Variants in NRCAM observed in about 807,000 individuals in gnomAD.
The protein encoded by NRCAM is neuronal cell adhesion molecule, also known as NgCAM-related cell adhesion molecule.
In NRCAM, 83 loss-of-function variants were observed where a neutral mutation model predicts 156.5. The observed-to-expected ratio is 0.53, with a 90% CI of 0.44 to 0.64. The LOEUF (loss-of-function observed/expected upper bound fraction) is 0.64. NRCAM is among the 30% of genes least tolerant of loss of function. The pLI, the probability that NRCAM is intolerant of heterozygous loss-of-function variation, is 0.00. For synonymous variants in NRCAM, 538 were observed against 563.9 expected (o/e 0.95, Z 0.65); for missense variants, 1,417 against 1,597.3 (o/e 0.89, Z 1.92).
chr7:108,299,117 A>AAAAAGAAAGAAG (rs71137624), intron 3 of NRCAM, among the ~76,000 whole-genome samples: 4 of 91,996 alleles, frequency 4.3e-5, no homozygotes, highest in Non-Finnish European at 6.8e-5. Flanking sequence ...AAAAAAAAAA[A>AAAAAGAAAGAAG]GAAAGAAAGA....
chr7:108,265,162 T>C (rs940816379), intron 3 of NRCAM, among the ~76,000 whole-genome samples: 2 of 152,228 alleles, frequency 1.3e-5, no homozygotes, highest in African/African-American at 4.8e-5. Flanking sequence ...TAAGGCTGTG[T>C]GACAATACCC....
rs576796436 is a variant in NRCAM at position 108,333,554 on chromosome 7, T to C, written c.-173-20823A>G. ...AAACTGTAAAATCTATCACCTGTTC[T>C]TAGAAAAAAATTTAACAAATTGTCT... On this transcript the variant is annotated intron_variant, in intron 2 of 32. Coordinates refer to ENST00000379028, the MANE Select transcript of NRCAM (RefSeq NM_001037132.4). 1.7e-4 allele frequency among the ~76,000 whole-genome samples: 26 copies of C among 152,282 alleles called. No homozygotes were observed. The South Asian group carries it at 5.2e-3, about 30-fold the overall frequency.
rs147036463 is a variant in NRCAM at position 108,164,551 on chromosome 7, A to C, written c.3466+2370T>G. ...GACATCCTTACACCGCGGAACCGAG[A>C]GGAGAGGAGAGGAGAGGAGAGGAGG... On this transcript the variant is annotated intron_variant, in intron 30 of 32. Coordinates refer to ENST00000379028, the MANE Select transcript of NRCAM (RefSeq NM_001037132.4). 1.3e-3 allele frequency among the ~76,000 whole-genome samples: 43 copies of C among 34,026 alleles called. 1 individual carries two copies. The highest frequency in any genetic ancestry group is 2.4e-3 in the East Asian group (2 of 822). The allele number at this position is 34,026 out of a possible 152,430, so 22.3% of individuals were successfully genotyped here. A position where few individuals can be genotyped will look rare whatever the true frequency, so the allele number is the denominator to read the frequency against.
At chr7:108,315,992 G>A (rs1199093057) in intron 2 of NRCAM, among the ~76,000 whole-genome samples, 2 of 152,200 alleles carry the variant, frequency 1.3e-5, no homozygotes, top group Non-Finnish European at 2.9e-5. Flanking sequence ...AAATCATGTT[G>A]TCATATACAT....
At chr7:108,302,900 A>G (rs1048205399) in intron 3 of NRCAM, among the ~76,000 whole-genome samples, 1 of 152,198 alleles carries the variant, frequency 6.6e-6, no homozygotes, top group African/African-American at 2.4e-5. Flanking sequence ...TATTTTAAAC[A>G]ACAGATTCAT....
intron 17 of NRCAM, among the ~76,000 whole-genome samples, chr7:108,193,722 C>T (rs929193523): frequency 3.9e-5 from 6 of 152,196 alleles, no homozygotes; most frequent in African/African-American, 7.2e-5. Flanking sequence ...GTTGAGACTT[C>T]GCTGTTCAAG....
At chr7:108,390,246 A>G (rs1021984085) in intron 2 of NRCAM, among the ~76,000 whole-genome samples, 3 of 152,136 alleles carry the variant, frequency 2.0e-5, no homozygotes, top group Non-Finnish European at 4.4e-5. Context: ...TTATTGGTCT[A>G]TTCAGGGATT....
In NRCAM at chr7:108,152,982, G is replaced by A. The variant is rs180945380; in HGVS notation, c.3678-2835C>T. Among the ~76,000 whole-genome samples, 12 of 152,258 alleles carry A rather than the reference G, an allele frequency of 7.9e-5. No homozygotes were observed. The East Asian group carries it at 2.3e-3, about 29-fold the overall frequency. ...GGATTTTTGGTTTGAGCAACAGGAAGCTTGGAAGTACTGTTACTATGGAGT... is the reference window on the plus strand; with the variant it reads ...GGATTTTTGGTTTGAGCAACAGGAAACTTGGAAGTACTGTTACTATGGAGT... On this transcript the variant is annotated intron_variant, in intron 32 of 32. Coordinates refer to ENST00000379028, the MANE Select transcript of NRCAM (RefSeq NM_001037132.4).
At chr7:108,252,125 A>G (rs2096386726) in intron 3 of NRCAM, among the ~76,000 whole-genome samples, 1 of 152,222 alleles carries the variant, frequency 6.6e-6, no homozygotes, top group South Asian at 2.1e-4. Context: ...ATCTACAGAC[A>G]TCATTAGAGC....
intron 2 of NRCAM, among the ~76,000 whole-genome samples, chr7:108,323,497 G>A (rs1451523894): frequency 1.3e-5 from 2 of 152,136 alleles, no homozygotes; most frequent in Non-Finnish European, 2.9e-5. Flanking sequence ...TTCATTTTAA[G>A]AATTTTATCC....
chr7:108,322,316 T>G (rs1322020092), intron 2 of NRCAM, among the ~76,000 whole-genome samples: 1 of 152,174 alleles, frequency 6.6e-6, no homozygotes, highest in Non-Finnish European at 1.5e-5. Context: ...GAACTGAATT[T>G]GAAGTCTTTT....
In NRCAM at chr7:108,226,268, T is replaced by C. The variant is rs1257630452; in HGVS notation, c.661A>G (p.Arg221Gly). 5.0e-6 allele frequency: 8 copies of C among 1,610,806 alleles called. No homozygotes were observed. Among genetic ancestry groups the C allele is most frequent in the African/African-American group, 2.7e-5 (2 of 74,870 alleles). Residue 221 changes from arginine (R) to glycine (G), a missense_variant, in exon 9 of 33, where the codon AGA becomes GGA. Around this residue, in one of 2 missense-constraint regions of NRCAM, gnomAD observed 1,238 missense variants for 1,336.4 expected, o/e 0.93. Transcript: ENST00000379028. The stretch of plus-strand genomic sequence containing the variant: ...TGTATGGTTTGAGTATGATTAAATC[T>C]AGCATAACAGATATAGTCTTCGCGG... ...DTREDYICYA[R>G]FNHTQTIQQK...
chr7:108,190,638 TAA>T (rs1461604524), intron 19 of NRCAM, among the ~76,000 whole-genome samples: 1 of 152,174 alleles, frequency 6.6e-6, no homozygotes. Flanking sequence ...GTTCTCTAAA[TAA>T]AAAGATTTCT....
intron 5 of NRCAM, among the ~76,000 whole-genome samples, chr7:108,236,131 G>C (rs978045426): frequency 3.3e-5 from 5 of 152,094 alleles, no homozygotes; most frequent in African/African-American, 9.7e-5. Context: ...ACTGCCCACT[G>C]TTCTTGTCTC....
chr7:108,235,939 G>C (rs1039252207), intron 5 of NRCAM, among the ~76,000 whole-genome samples: 1 of 152,140 alleles, frequency 6.6e-6, no homozygotes, highest in East Asian at 1.9e-4. Flanking sequence ...CTCTGCATCT[G>C]GGAAATTCCC....
At chr7:108,253,998 C>T (rs558492437) in intron 3 of NRCAM, among the ~76,000 whole-genome samples, 12 of 152,176 alleles carry the variant, frequency 7.9e-5, no homozygotes, top group Non-Finnish European at 1.5e-4. Flanking sequence ...GGCGTCCAGG[C>T]GATTGTTAAT....
intron 8 of NRCAM, among the ~76,000 whole-genome samples, chr7:108,227,236 T>C (rs949177751): frequency 1.3e-5 from 2 of 152,166 alleles, no homozygotes; most frequent in Non-Finnish European, 2.9e-5. Flanking sequence ...CACTCTGACT[T>C]TCCAGTGTCA....
chr7:108,167,058 C>T lies in NRCAM; in HGVS notation c.3329G>A (p.Arg1110Lys), dbSNP rs1210667282. The change falls in exon 30 of 33, where the codon AGA becomes AAA. Residue 1110 changes from arginine (R) to lysine (K), a missense_variant. This residue lies in a region of NRCAM where 179 missense variants were observed against 260.9 expected (regional missense o/e 0.69). Transcript: ENST00000379028. ...CCGAGAACCATTTACAATTTCTTTT[C>T]TCCATTCTTCTTTGCCTATGGAAAT... ...YGVAGSKEEW[R>K]KEIVNGSRSF... is the part of the protein sequence containing the mutation. 1 of 1,613,156 alleles carries T rather than the reference C, an allele frequency of 6.2e-7. No homozygotes were observed. Among genetic ancestry groups the T allele is most frequent in the Admixed American group, 1.7e-5 (1 of 59,896 alleles).
At chr7:108,298,973 G>A (rs2154142393) in intron 3 of NRCAM, among the ~76,000 whole-genome samples, 1 of 148,638 alleles carries the variant, frequency 6.7e-6, no homozygotes, top group South Asian at 2.2e-4. Flanking sequence ...GCGCCTGGTG[G>A]TGCATGTCTG....
Sources: allele counts gnomAD v4.1 joint callset (sites outside exome capture counted in the v4.1 genomes callset), GRCh38; gene constraint gnomAD v4.1.1; regional missense constraint gnomAD v4.1.1; transcripts MANE v1.5; gene names NCBI Gene and HGNC (gene_info 2026-07-23, HGNC 2026-07-21).